Variants in KSR2 observed in about 807,000 individuals in gnomAD.
KSR2 encodes the protein kinase suppressor of ras 2.
KSR2 carries 25 observed loss-of-function variants against 107.8 expected under a neutral mutation model. That is an observed-to-expected ratio of 0.23 (90% CI 0.17 to 0.32). The LOEUF (loss-of-function observed/expected upper bound fraction) is 0.32. KSR2 is among the 10% of genes least tolerant of loss of function. The pLI, the probability that KSR2 is intolerant of heterozygous loss-of-function variation, is 1.00. For synonymous variants in KSR2, 480 were observed against 507.0 expected, an observed-to-expected ratio of 0.95 and a Z score of 0.71; for missense variants, 887 against 1,268.9, an observed-to-expected ratio of 0.70 and a Z score of 4.57.
At chr12:117,818,349 G>A (rs191225791) in intron 3 of KSR2, among the ~76,000 whole-genome samples, 30 of 152,230 alleles carry the variant, frequency 2.0e-4, no homozygotes, top group Admixed American at 1.9e-3. Flanking sequence ...GGACTCTGAG[G>A]GTTTGTGTGG....
chr12:117,621,190 T>C (rs77164738), intron 5 of KSR2, among the ~76,000 whole-genome samples: 11,158 of 152,272 alleles, frequency 0.073, 495 homozygotes, highest in Middle Eastern at 0.13. Flanking sequence ...GTTTTTCCTG[T>C]GCTTTCACAT....
chr12:117,618,910 G>A (rs1392411556), intron 5 of KSR2, among the ~76,000 whole-genome samples: 1 of 152,118 alleles, frequency 6.6e-6, no homozygotes, highest in Non-Finnish European at 1.5e-5. Flanking sequence ...CACTTCCTTG[G>A]TAGCTTGATA....
chr12:117,796,337 T>C (rs906553757), intron 3 of KSR2, among the ~76,000 whole-genome samples: 1 of 152,168 alleles, frequency 6.6e-6, no homozygotes, highest in Non-Finnish European at 1.5e-5. Context: ...GAATAATACC[T>C]GCCTAGTAAG....
At chr12:117,757,004 G>A (rs1014715892) in intron 4 of KSR2, among the ~76,000 whole-genome samples, 4 of 149,822 alleles carry the variant, frequency 2.7e-5, no homozygotes, top group Non-Finnish European at 5.9e-5. Flanking sequence ...GCAGTGAGCC[G>A]AGATTGCTCC....
intron 5 of KSR2, among the ~76,000 whole-genome samples, chr12:117,587,478 A>G: frequency 6.6e-6 from 1 of 152,128 alleles, no homozygotes; most frequent in East Asian, 1.9e-4. Context: ...GAGCTTCCAG[A>G]AGGAACCAGC....
At chr12:117,534,156 C>G (rs1013550845) in intron 10 of KSR2, among the ~76,000 whole-genome samples, 3 of 152,084 alleles carry the variant, frequency 2.0e-5, no homozygotes, top group Non-Finnish European at 2.9e-5. Flanking sequence ...CTCTGGAGCC[C>G]CCATGCCTAC....
intron 3 of KSR2, among the ~76,000 whole-genome samples, chr12:117,825,750 G>A (rs1891719940): frequency 6.6e-6 from 1 of 152,092 alleles, no homozygotes; most frequent in Admixed American, 6.5e-5. Context: ...CTAGCACTCA[G>A]CAGAGTGCCT....
intron 18 of KSR2, among the ~76,000 whole-genome samples, chr12:117,470,451 G>GC (rs1566120705): frequency 6.6e-6 from 1 of 152,030 alleles, no homozygotes; most frequent in Non-Finnish European, 1.5e-5. Context: ...TACTTTCTGA[G>GC]CCCAAATAAC....
intron 3 of KSR2, among the ~76,000 whole-genome samples, chr12:117,797,859 T>C (rs1890689861): frequency 2.0e-5 from 3 of 152,080 alleles, no homozygotes; most frequent in Admixed American, 6.5e-5. Context: ...CTATGTTTCA[T>C]AGTCTGGAAG....
At chr12:117,666,780 G>T (rs987288085) in intron 5 of KSR2, among the ~76,000 whole-genome samples, 7 of 152,188 alleles carry the variant, frequency 4.6e-5, no homozygotes, top group Non-Finnish European at 1.5e-5. Flanking sequence ...TGTCTTGGCT[G>T]GAGGACTGGC....
At chr12:117,877,846 C>T (rs79087430) in intron 1 of KSR2, among the ~76,000 whole-genome samples, 2,235 of 152,298 alleles carry the variant, frequency 0.015, 47 homozygotes, top group African/African-American at 0.051. Flanking sequence ...CCCAAGCCTA[C>T]GGAATCAGGC....
Position 117,723,055 on chromosome 12 carries a change from A to C in KSR2, c.986+37956T>G, listed in dbSNP as rs1887276719. Among the ~76,000 whole-genome samples the C allele has an allele frequency of 3.3e-5, 5 of 152,288 alleles. No individual in the cohort carries two copies. The South Asian group carries it at 1.0e-3, about 32-fold the overall frequency. On this transcript the variant is annotated intron_variant, in intron 4 of 19. Coordinates refer to ENST00000339824, the MANE Select transcript of KSR2 (RefSeq NM_173598.6). ...CCAAAGGGGTGCCATTCAGGAAGTC[A>C]ATGAGACCAGGCTGCCCCTCAGTGG... is the stretch of plus-strand genomic sequence containing the variant.
chr12:117,949,981 T>A (rs1345773636), intron 1 of KSR2, among the ~76,000 whole-genome samples: 1 of 152,106 alleles, frequency 6.6e-6, no homozygotes, highest in Non-Finnish European at 1.5e-5. Flanking sequence ...TACTTTTTTT[T>A]TTTTTCTTTT....
At position 117,764,014 on chromosome 12, in the gene KSR2, C is replaced by T. The variant is rs559539073; in HGVS notation, c.473-2490G>A. 5.3e-5 allele frequency among the ~76,000 whole-genome samples: 8 copies of T among 152,240 alleles called. No homozygotes were observed. The South Asian group carries it at 8.3e-4, about 16-fold the overall frequency. ...GCAATAACAATAATAATTACTATAACGACTGTAACAAGAGCTAATTTATAG... is the reference window on the plus strand; with the variant it reads ...GCAATAACAATAATAATTACTATAATGACTGTAACAAGAGCTAATTTATAG... On this transcript the variant is annotated intron_variant, in intron 3 of 19. Transcript: ENST00000339824.
intron 4 of KSR2, among the ~76,000 whole-genome samples, chr12:117,707,442 A>G (rs2136640597): frequency 6.6e-6 from 1 of 152,326 alleles, no homozygotes; most frequent in South Asian, 2.1e-4. Context: ...AAAGAATAGA[A>G]TAAAAAGGAA....
intron 5 of KSR2, among the ~76,000 whole-genome samples, chr12:117,593,001 C>A (rs1256219807): frequency 6.6e-6 from 1 of 152,148 alleles, no homozygotes; most frequent in Non-Finnish European, 1.5e-5. Flanking sequence ...TCAAATTTCC[C>A]CTTGATATAA....
chr12:117,632,808 C>T (rs1289132260), intron 5 of KSR2, among the ~76,000 whole-genome samples: 1 of 152,196 alleles, frequency 6.6e-6, no homozygotes, highest in East Asian at 1.9e-4. Flanking sequence ...TCTGTTCCTG[C>T]ATTCGTTCAC....
chr12:117,646,823 C>T lies in KSR2; in HGVS notation c.1171+20651G>A, dbSNP rs567407569. Reference sequence around the variant, plus strand: ...TTCTGAAGGGGCTTAGTCTTCCCTCCCTCCCGCAGTCCCCCAGCCACCACC... The same window carrying T: ...TTCTGAAGGGGCTTAGTCTTCCCTCTCTCCCGCAGTCCCCCAGCCACCACC... On this transcript the variant is annotated intron_variant, in intron 5 of 19. Transcript: ENST00000339824. 5.3e-5 allele frequency among the ~76,000 whole-genome samples: 8 copies of T among 152,278 alleles called. No homozygotes were observed. The South Asian group carries it at 1.5e-3, about 28-fold the overall frequency.
intron 4 of KSR2, among the ~76,000 whole-genome samples, chr12:117,743,053 C>G (rs1014808372): frequency 1.1e-4 from 16 of 152,206 alleles, no homozygotes; most frequent in Non-Finnish European, 2.4e-4. Flanking sequence ...AGATGACCAC[C>G]CAGCTAGACC....
Sources: allele counts gnomAD v4.1 joint callset (sites outside exome capture counted in the v4.1 genomes callset), GRCh38; gene constraint gnomAD v4.1.1; transcripts MANE v1.5; gene names NCBI Gene and HGNC (gene_info 2026-07-23, HGNC 2026-07-21).